FSTL5: variants seen among roughly 807,000 people sequenced by gnomAD.
FSTL5 encodes the protein follistatin-related protein 5.
In FSTL5, 62 loss-of-function variants were observed where a neutral mutation model predicts 89.1. The ratio of observed to expected loss-of-function variants is 0.70; its 90% CI spans 0.57 to 0.86. The LOEUF is 0.86. Among genes scored for constraint, FSTL5 ranks in the 40% least tolerant of loss-of-function variants. The pLI, the probability that FSTL5 is intolerant of heterozygous loss-of-function variation, is 0.00. For missense variants in FSTL5, 1,057 were observed against 1,001.6 expected (o/e 1.06, Z -0.75); for synonymous variants, 383 against 346.2 (o/e 1.11, Z -1.18).
chr4:161,939,417 T>C (rs1019231788), intron 3 of FSTL5, among the ~76,000 whole-genome samples: 6 of 151,974 alleles, frequency 3.9e-5, no homozygotes, highest in Non-Finnish European at 5.9e-5. Context: ...TTACATTCTT[T>C]AGAATATTTT....
chr4:161,399,176 TG>T (rs1273801133), intron 15 of FSTL5, among the ~76,000 whole-genome samples: 1 of 152,136 alleles, frequency 6.6e-6, no homozygotes, highest in African/African-American at 2.4e-5. Flanking sequence ...TGTTTTGTTA[TG>T]TTTTACAGCT....
intron 6 of FSTL5, among the ~76,000 whole-genome samples, chr4:161,677,684 A>G (rs1737355206): frequency 6.6e-6 from 1 of 151,994 alleles, no homozygotes; most frequent in Admixed American, 6.6e-5. Context: ...TACAGTTTGC[A>G]CTTTAGTTTT....
At position 161,812,879 on chromosome 4, in the gene FSTL5, C is replaced by CAAAAAAAAAAAAAAAAAAAAAAAA. The variant is rs35183730; in HGVS notation, c.410-36829_410-36806dup. 1.9e-4 allele frequency among the ~76,000 whole-genome samples: 8 copies of CAAAAAAAAAAAAAAAAAAAAAAAA among 41,564 alleles called. 2 individuals carry two copies. The highest frequency in any genetic ancestry group is 5.0e-4 in the Admixed American group (1 of 2,012). The allele number at this position is 41,564 out of a possible 152,430, so 27.3% of individuals were successfully genotyped here. A position where few individuals can be genotyped will look rare whatever the true frequency, so the allele number is the denominator to read the frequency against. On this transcript the variant is annotated intron_variant, in intron 4 of 15. Coordinates refer to ENST00000306100, the MANE Select transcript of FSTL5 (RefSeq NM_020116.5). ...ATCCAAACAAGATCCTAAATCCCAG[C>CAAAAAAAAAAAAAAAAAAAAAAAA]AAAAAAAAAAAAAAAAAAAAAAAAA... is the stretch of plus-strand genomic sequence containing the variant.
rs554041597 is a variant in FSTL5 at position 161,635,250 on chromosome 4, G to A, written c.894+21078C>T. Among the ~76,000 whole-genome samples the A allele has an allele frequency of 7.9e-5, 12 of 152,170 alleles. 1 individual carries two copies. The highest frequency in any genetic ancestry group is 2.1e-4 in the South Asian group (1 of 4,818). ...AAAAATACAAAAAAATTAGCCGGGCGTGGTGGCAGGCGCCTGTAATCCCAG... is the reference window on the plus strand; with the variant it reads ...AAAAATACAAAAAAATTAGCCGGGCATGGTGGCAGGCGCCTGTAATCCCAG... On this transcript the variant is annotated intron_variant, in intron 7 of 15. Transcript: ENST00000306100.
At chr4:162,161,140 T>C (rs1164251019) in intron 1 of FSTL5, among the ~76,000 whole-genome samples, 1 of 151,982 alleles carries the variant, frequency 6.6e-6, no homozygotes, top group Non-Finnish European at 1.5e-5. Flanking sequence ...ATTTGCAGTG[T>C]GTCTGTAATG....
At chr4:161,802,022 T>C (rs1179869105) in intron 4 of FSTL5, among the ~76,000 whole-genome samples, 1 of 151,706 alleles carries the variant, frequency 6.6e-6, no homozygotes, top group Non-Finnish European at 1.5e-5. Context: ...CATTGAAAAG[T>C]CTCATGCCTT....
intron 8 of FSTL5, among the ~76,000 whole-genome samples, chr4:161,555,874 G>GT (rs1358132043): frequency 6.6e-6 from 1 of 151,598 alleles, no homozygotes; most frequent in African/African-American, 2.4e-5. Context: ...CAGAAAATGT[G>GT]TTTAATTTCA....
At chr4:161,417,923 C>T (rs1395319486) in intron 15 of FSTL5, among the ~76,000 whole-genome samples, 1 of 152,152 alleles carries the variant, frequency 6.6e-6, no homozygotes, top group Non-Finnish European at 1.5e-5. Context: ...TTATGAAAGT[C>T]TTTCTGGAGG....
In FSTL5 at chr4:161,686,551, A is replaced by C. The variant is rs1055484385; in HGVS notation, c.728-30057T>G. ...TTTTTTTGGTATTTTTCGTAGAGAC[A>C]GGGTTTCACCGTGTTATCCAGGACG... On this transcript the variant is annotated intron_variant, in intron 6 of 15. Coordinates refer to ENST00000306100, the MANE Select transcript of FSTL5 (RefSeq NM_020116.5). Among the ~76,000 whole-genome samples, 11 of 150,554 alleles carry C rather than the reference A, an allele frequency of 7.3e-5. 1 individual carries two copies. Among genetic ancestry groups the C allele is most frequent in the Admixed American group, 7.3e-4 (11 of 15,064 alleles).
chr4:161,600,760 T>C (rs772110145), intron 7 of FSTL5, among the ~76,000 whole-genome samples: 9 of 152,190 alleles, frequency 5.9e-5, no homozygotes, highest in Non-Finnish European at 1.0e-4. Context: ...AAAATCCTGG[T>C]AACTCTTGTA....
At chr4:161,997,975 C>G (rs1210623161) in intron 3 of FSTL5, among the ~76,000 whole-genome samples, 3 of 152,082 alleles carry the variant, frequency 2.0e-5, no homozygotes. Flanking sequence ...ATGTCTGTAC[C>G]AGCTTCTGAC....
chr4:162,062,040 C>T (rs1738734306), intron 2 of FSTL5, among the ~76,000 whole-genome samples: 1 of 151,812 alleles, frequency 6.6e-6, no homozygotes, highest in Non-Finnish European at 1.5e-5. Flanking sequence ...GTTTCATTAT[C>T]AAAAGGACTA....
At chr4:162,117,348 G>T (rs1338412626) in intron 1 of FSTL5, among the ~76,000 whole-genome samples, 1 of 152,164 alleles carries the variant, frequency 6.6e-6, no homozygotes, top group African/African-American at 2.4e-5. Flanking sequence ...GGAATAACAG[G>T]TTTGGGAGAG....
In FSTL5 at chr4:161,630,783, G is replaced by A. The variant is rs75896053; in HGVS notation, c.894+25545C>T. Among the ~76,000 whole-genome samples, 904 of 152,196 alleles carry A rather than the reference G, an allele frequency of 5.9e-3. 14 individuals are homozygous for A. The highest frequency in any genetic ancestry group is 0.046 in the South Asian group (220 of 4,824). ...CAAAATTATTCTATTTCTACCAATG[G>A]TGCTATCATTCTTTGAGTCACATGG... On this transcript the variant is annotated intron_variant, in intron 7 of 15. Coordinates refer to ENST00000306100, the MANE Select transcript of FSTL5 (RefSeq NM_020116.5).
At chr4:162,143,078 CA>C (rs1732810683) in intron 1 of FSTL5, among the ~76,000 whole-genome samples, 1 of 152,042 alleles carries the variant, frequency 6.6e-6, no homozygotes, top group South Asian at 2.1e-4. Context: ...AATTGTGTAG[CA>C]ATATCTTAAG....
chr4:161,985,435 A>G (rs1735938096), intron 3 of FSTL5, among the ~76,000 whole-genome samples: 1 of 152,060 alleles, frequency 6.6e-6, no homozygotes. Flanking sequence ...TTTGTGATTT[A>G]CCCAATTATT....
intron 6 of FSTL5, among the ~76,000 whole-genome samples, chr4:161,748,190 C>A (rs1167462622): frequency 6.6e-6 from 1 of 152,054 alleles, no homozygotes; most frequent in Non-Finnish European, 1.5e-5. Flanking sequence ...TGTGCATTAA[C>A]AAATTATTCT....
At chr4:161,586,073 C>A (rs1328287182) in intron 8 of FSTL5, among the ~76,000 whole-genome samples, 1 of 152,140 alleles carries the variant, frequency 6.6e-6, no homozygotes, top group Non-Finnish European at 1.5e-5. Context: ...AACTTTTTGG[C>A]ACATGTTATT....
At chr4:161,998,415 A>T (rs11930540) in intron 3 of FSTL5, among the ~76,000 whole-genome samples, 16,923 of 152,102 alleles carry the variant, frequency 0.11, 1,049 homozygotes, top group East Asian at 0.23. Flanking sequence ...AAAGAACAGC[A>T]ATTAACAAAC....
Sources: gnomAD v4.1 joint callset for allele counts (sites outside exome capture counted in the v4.1 genomes callset) on GRCh38, gnomAD v4.1.1 for gene constraint, MANE v1.5 for transcripts, NCBI Gene and HGNC (gene_info 2026-07-23, HGNC 2026-07-21) for gene names.